SYT16: variants seen among roughly 807,000 people sequenced by gnomAD.
SYT16 encodes synaptotagmin 16, also known as synaptotagmin-16.
In SYT16, 42 loss-of-function variants were observed where a neutral mutation model predicts 61.4. That is an observed-to-expected ratio of 0.68 (90% CI 0.53 to 0.89). The LOEUF (loss-of-function observed/expected upper bound fraction) is 0.89. Ranked by LOEUF, SYT16 falls within the 40% of genes least tolerant of loss-of-function variation. SYT16 has a pLI of 0.00. For missense variants in SYT16, 804 were observed against 807.3 expected (o/e 1.00, Z 0.05); for synonymous variants, 314 against 302.3 (o/e 1.04, Z -0.40).
chr14:61,936,571 T>C (rs1022096344), intron 1 of SYT16, among the ~76,000 whole-genome samples: 1 of 152,152 alleles, frequency 6.6e-6, no homozygotes, highest in African/African-American at 2.4e-5. Context: ...TGTCCCGAGA[T>C]TCCATAGAGA....
chr14:62,035,097 A>G (rs1400870832), intron 3 of SYT16, among the ~76,000 whole-genome samples: 1 of 152,140 alleles, frequency 6.6e-6, no homozygotes, highest in Non-Finnish European at 1.5e-5. Context: ...TTGGAAGGGT[A>G]ATTTTTGAGT....
intron 1 of SYT16, among the ~76,000 whole-genome samples, chr14:61,885,329 T>C (rs2047858847): frequency 6.6e-6 from 1 of 152,088 alleles, no homozygotes; most frequent in Non-Finnish European, 1.5e-5. Flanking sequence ...CCCTTGGCCA[T>C]GGAGTGTTTT....
intron 1 of SYT16, among the ~76,000 whole-genome samples, chr14:61,888,697 G>A (rs2048007045): frequency 6.6e-6 from 1 of 151,344 alleles, no homozygotes; most frequent in Non-Finnish European, 1.5e-5. Context: ...GACACAAAGT[G>A]AGGCATGTGC....
At chr14:62,098,858 A>G (rs556797598) in intron 7 of SYT16, among the ~76,000 whole-genome samples, 87 of 152,320 alleles carry the variant, frequency 5.7e-4, no homozygotes, top group Non-Finnish European at 1.0e-3. Context: ...TGGGAGTGAG[A>G]GAAAAAGGTC....
rs1284500619 is a variant in SYT16 at position 62,102,265 on chromosome 14, A to G, written c.*1558A>G. 1 of 152,230 alleles carries G rather than the reference A, an allele frequency of 6.6e-6. No individual in the cohort carries two copies. Among genetic ancestry groups the G allele is most frequent in the Admixed American group, 6.5e-5 (1 of 15,278 alleles). 9.4% of individuals were successfully genotyped at this position (152,230 alleles called of 1,614,324 possible). On this transcript the variant is annotated 3_prime_UTR_variant, in exon 8 of 8. Coordinates refer to ENST00000683842, the MANE Select transcript of SYT16 (RefSeq NM_001367656.1). ...AACATATTTATTCCTTACAGTGTGT[A>G]ATGGTTATCCTGACAAGACCAGACT...
intron 3 of SYT16, among the ~76,000 whole-genome samples, chr14:62,023,168 G>A (rs2086679634): frequency 6.6e-6 from 1 of 151,962 alleles, no homozygotes. Context: ...CTTTTTCCCT[G>A]CTGGCTGGGA....
intron 1 of SYT16, among the ~76,000 whole-genome samples, chr14:61,872,858 A>G (rs1270189524): frequency 6.6e-6 from 1 of 152,216 alleles, no homozygotes; most frequent in East Asian, 1.9e-4. Context: ...TCTATTGACT[A>G]TGTTTAGTTT....
chr14:61,995,632 T>G (rs1254366351), intron 2 of SYT16, among the ~76,000 whole-genome samples: 1 of 152,146 alleles, frequency 6.6e-6, no homozygotes, highest in Non-Finnish European at 1.5e-5. Flanking sequence ...GATAGACTTC[T>G]CTCAGTCCAC....
Position 62,112,251 on chromosome 14 carries a change from A to C in SYT16, c.*11544A>C, listed in dbSNP as rs1377756913. The C allele has an allele frequency of 1.3e-5, 2 of 152,136 alleles. No individual in the cohort carries two copies. Among genetic ancestry groups the C allele is most frequent in the African/African-American group, 4.8e-5 (2 of 41,452 alleles). 9.4% of individuals were successfully genotyped at this position (152,136 alleles called of 1,614,324 possible). On this transcript the variant is annotated 3_prime_UTR_variant, in exon 8 of 8. Transcript: ENST00000683842. The stretch of plus-strand genomic sequence containing the variant: ...AAGGAATAAATTCATGATTAGAAGA[A>C]TTATACTGTTTTTCTTGTGCAAATA...
intron 4 of SYT16, among the ~76,000 whole-genome samples, chr14:62,074,384 C>G (rs1390099258): frequency 6.6e-6 from 1 of 152,082 alleles, no homozygotes; most frequent in African/African-American, 2.4e-5. Flanking sequence ...TTTCATAAAC[C>G]AGTGAGACCA....
intron 1 of SYT16, among the ~76,000 whole-genome samples, chr14:61,958,746 C>T (rs898667033): frequency 6.6e-6 from 1 of 151,942 alleles, no homozygotes; most frequent in African/African-American, 2.4e-5. Context: ...GTGGAATGTT[C>T]TGTATGTATC....
rs192035467 is a variant in SYT16 at position 61,844,686 on chromosome 14, G to T, written c.-325+31876G>T. ...TTCTCTTGATATGATATACCACACT[G>T]ACTGATTTGCATATGTTGAACCATC... is the stretch of plus-strand genomic sequence containing the variant. On this transcript the variant is annotated intron_variant, in intron 1 of 7. Transcript: ENST00000683842. Among the ~76,000 whole-genome samples, 58 of 152,220 alleles carry T rather than the reference G, an allele frequency of 3.8e-4. 1 individual carries two copies. The highest frequency in any genetic ancestry group is 3.5e-3 in the Admixed American group (54 of 15,290).
chr14:61,864,435 G>A (rs1366469208), intron 1 of SYT16, among the ~76,000 whole-genome samples: 2 of 152,260 alleles, frequency 1.3e-5, no homozygotes, highest in Non-Finnish European at 2.9e-5. Flanking sequence ...GCACAGACAC[G>A]TGCTAGTCGT....
chr14:61,999,742 G>A (rs1476738317), intron 3 of SYT16, among the ~76,000 whole-genome samples: 2 of 151,548 alleles, frequency 1.3e-5, no homozygotes, highest in Non-Finnish European at 3.0e-5. Context: ...AAGTATGAAT[G>A]TATTTTGTTT....
At chr14:62,055,563 T>C (rs959626736) in intron 3 of SYT16, among the ~76,000 whole-genome samples, 3 of 152,208 alleles carry the variant, frequency 2.0e-5, no homozygotes, top group Non-Finnish European at 4.4e-5. Context: ...ACTTTCATCA[T>C]GGCTCTTCTT....
At chr14:61,999,591 T>C (rs770175393) in intron 3 of SYT16, among the ~76,000 whole-genome samples, 12 of 151,796 alleles carry the variant, frequency 7.9e-5, no homozygotes, top group Admixed American at 2.0e-4. Context: ...TTATCACTAT[T>C]GTTTTTCTGT....
Position 61,996,393 on chromosome 14 carries a change from A to T in SYT16, c.374A>T (p.Asn125Ile), listed in dbSNP as rs564353410. The change falls in exon 3 of 8, where the codon AAT (asparagine) becomes ATT (isoleucine). Residue 125 changes from asparagine to isoleucine, a missense_variant. By Grantham distance (149) the Asn-to-Ile change is moderately radical. Transcript: ENST00000683842. ...DSCSTMSQWP[N>I]WASDDRKLPH... ...TGTTCCACAATGTCCCAGTGGCCCA[A>T]TTGGGCCAGTGATGACCGCAAGTTA... 8 of 1,613,428 alleles carry T rather than the reference A, an allele frequency of 5.0e-6. No individual in the cohort carries two copies. In the Admixed American group the frequency reaches 5.0e-5, roughly 10 times the overall value.
At chr14:62,056,314 C>A (rs2055553088) in intron 3 of SYT16, among the ~76,000 whole-genome samples, 1 of 152,104 alleles carries the variant, frequency 6.6e-6, no homozygotes, top group Admixed American at 6.5e-5. Context: ...TGGTACCACC[C>A]CTTTAGGGGC....
At chr14:61,898,087 G>A (rs942817812) in intron 1 of SYT16, among the ~76,000 whole-genome samples, 4 of 152,114 alleles carry the variant, frequency 2.6e-5, no homozygotes, top group South Asian at 4.1e-4. Context: ...CCTAGCGCCC[G>A]TTACCCCCAC....
Sources: allele counts gnomAD v4.1 joint callset (sites outside exome capture counted in the v4.1 genomes callset), GRCh38; gene constraint gnomAD v4.1.1; transcripts MANE v1.5; gene names NCBI Gene and HGNC (gene_info 2026-07-23, HGNC 2026-07-21).